SHTN1: variants seen among roughly 807,000 people sequenced by gnomAD.
The protein encoded by SHTN1 is shootin-1.
A neutral mutation model predicts 83.1 loss-of-function variants in SHTN1; 42 were observed. The ratio of observed to expected loss-of-function variants is 0.51; its 90% confidence interval spans 0.39 to 0.65. The LOEUF is 0.65. SHTN1 is among the 30% of genes least tolerant of loss of function. SHTN1 has a pLI of 0.00. For missense variants in SHTN1, 622 were observed against 737.8 expected (o/e 0.84, Z 1.82); for synonymous variants, 224 against 247.7 (o/e 0.90, Z 0.90).
chr10:117,120,295 T>C (rs960478081), intron 1 of SHTN1, among the ~76,000 whole-genome samples: 48 of 151,430 alleles, frequency 3.2e-4, no homozygotes, highest in Non-Finnish European at 6.3e-4. Context: ...TTGCCCAGGC[T>C]GGAGTGCAGG....
At chr10:117,041,071 T>C (rs1288808793) in intron 2 of SHTN1, among the ~76,000 whole-genome samples, 1 of 152,114 alleles carries the variant, frequency 6.6e-6, no homozygotes, top group Non-Finnish European at 1.5e-5. Context: ...TAACATTAGG[T>C]ATATCTCCAA....
intron 2 of SHTN1, among the ~76,000 whole-genome samples, chr10:117,015,685 C>T (rs1404625583): frequency 6.6e-6 from 1 of 152,230 alleles, no homozygotes; most frequent in Non-Finnish European, 1.5e-5. Flanking sequence ...AATGGAACCA[C>T]TTCTGCAAGA....
chr10:117,067,689 C>A (rs528088170), intron 1 of SHTN1, among the ~76,000 whole-genome samples: 5 of 152,184 alleles, frequency 3.3e-5, no homozygotes, highest in Middle Eastern at 3.4e-3. Context: ...GGAGGAAGGA[C>A]TAGAAATGGT....
chr10:116,895,069 A>C (rs902574739), intron 16 of SHTN1, among the ~76,000 whole-genome samples: 1 of 151,792 alleles, frequency 6.6e-6, no homozygotes, highest in African/African-American at 2.4e-5. Context: ...TTAAAAAGGC[A>C]TAGAATAAAG....
chr10:116,889,466 G>A (rs1847266464), intron 16 of SHTN1, among the ~76,000 whole-genome samples: 1 of 152,190 alleles, frequency 6.6e-6, no homozygotes, highest in Admixed American at 6.5e-5. Context: ...GGCATGGAGG[G>A]AGAGTGACTG....
At chr10:117,007,922 C>T (rs990912444), upstream of SHTN1, among the ~76,000 whole-genome samples, 1 of 150,916 alleles carries the variant, frequency 6.6e-6, no homozygotes, top group Non-Finnish European at 1.5e-5. Flanking sequence ...GCAGGAGAAT[C>T]ACTTGAACCC....
At chr10:116,922,775 G>T (rs1438373190) in intron 11 of SHTN1, among the ~76,000 whole-genome samples, 1 of 152,066 alleles carries the variant, frequency 6.6e-6, no homozygotes, top group African/African-American at 2.4e-5. Context: ...GACCAGCCTG[G>T]CCAACATGGC....
At chr10:117,093,012 A>T (rs1028174429) in intron 1 of SHTN1, among the ~76,000 whole-genome samples, 2 of 152,206 alleles carry the variant, frequency 1.3e-5, no homozygotes, top group African/African-American at 4.8e-5. Context: ...CAATACTTAT[A>T]GAGTCCTAAA....
chr10:116,921,756 C>T (rs1006645783), intron 11 of SHTN1, among the ~76,000 whole-genome samples: 1 of 152,014 alleles, frequency 6.6e-6, no homozygotes, highest in Non-Finnish European at 1.5e-5. Flanking sequence ...TAATAAAATG[C>T]ATACACACTT....
chr10:116,887,115 G>C (rs1189328845), intron 16 of SHTN1, among the ~76,000 whole-genome samples: 1 of 152,164 alleles, frequency 6.6e-6, no homozygotes, highest in African/African-American at 2.4e-5. Flanking sequence ...CTTCAGGAGG[G>C]GGTGGTGGTA....
intron 1 of SHTN1, among the ~76,000 whole-genome samples, chr10:117,059,497 A>G (rs1852870466): frequency 6.6e-6 from 1 of 152,226 alleles, no homozygotes; most frequent in African/African-American, 2.4e-5. Flanking sequence ...GTGAATCGCT[A>G]AGTACACTGT....
chr10:116,884,620 A>C lies in SHTN1; in HGVS notation c.*1724T>G, dbSNP rs1847110828. 1 of 175,148 alleles carries C rather than the reference A, an allele frequency of 5.7e-6. No homozygotes were observed. The highest frequency in any genetic ancestry group is 1.2e-5 in the Non-Finnish European group (1 of 80,694). 10.8% of individuals were successfully genotyped at this position (175,148 alleles called of 1,614,324 possible). On this transcript the variant is annotated 3_prime_UTR_variant, in exon 17 of 17. Coordinates refer to ENST00000355371, the MANE Select transcript of SHTN1 (RefSeq NM_001127211.3). ...GTGTGTGAGTTGCATGCTGGCAGAC[A>C]GATCACAGATGCAAGAAGGAAGACA...
In SHTN1 at chr10:116,944,979, A is replaced by T. The variant is rs748399933; in HGVS notation, c.656T>A (p.Val219Glu). Residue 219 changes from valine (V) to glutamate (E), a missense_variant, in exon 8 of 17, where the codon GTA becomes GAA. Coordinates refer to ENST00000355371, the MANE Select transcript of SHTN1 (RefSeq NM_001127211.3). ...AAGGTCCTTCTCCAGCTCCAGGTTTACTTGCATCTCCTCATACTCTTCTAC... is the reference window on the plus strand; with the variant it reads ...AAGGTCCTTCTCCAGCTCCAGGTTTTCTTGCATCTCCTCATACTCTTCTAC... ...LAVEEYEEMQ[V>E]NLELEKDLRK... The T allele has an allele frequency of 3.1e-6, 5 of 1,612,032 alleles. No homozygotes were observed. The South Asian group carries it at 5.5e-5, about 18-fold the overall frequency.
At chr10:116,915,352 A>G (rs766908034) in intron 13 of SHTN1, 23 bp downstream of exon 13, 65 of 1,230,334 alleles carry the variant, frequency 5.3e-5, no homozygotes, top group Middle Eastern at 1.9e-4. Flanking sequence ...AAACAGGGAA[A>G]AAAGCATTCA....
At chr10:117,111,112 C>A (rs1853761369) in intron 1 of SHTN1, among the ~76,000 whole-genome samples, 1 of 151,278 alleles carries the variant, frequency 6.6e-6, no homozygotes, top group African/African-American at 2.4e-5. Flanking sequence ...GCAGAAGAAT[C>A]GCTTGAACCT....
At chr10:117,041,042 C>T (rs920801892) in intron 2 of SHTN1, among the ~76,000 whole-genome samples, 2 of 152,014 alleles carry the variant, frequency 1.3e-5, no homozygotes, top group African/African-American at 4.8e-5. Context: ...TGGTGTGCTG[C>T]ACCTAGTAAC....
intron 3 of SHTN1, among the ~76,000 whole-genome samples, chr10:116,963,081 T>G (rs1850250168): frequency 4.2e-5 from 3 of 71,354 alleles, no homozygotes; most frequent in Non-Finnish European, 7.7e-5. Flanking sequence ...TTTTTTTTTT[T>G]TTTTTTTTGA....
At chr10:116,956,777 C>G (rs1008112823) in intron 4 of SHTN1, among the ~76,000 whole-genome samples, 1 of 152,090 alleles carries the variant, frequency 6.6e-6, no homozygotes, top group African/African-American at 2.4e-5. Context: ...ACCAGTTTGT[C>G]TGCAATACAA....
At chr10:117,097,742 A>G (rs767974181) in intron 1 of SHTN1, among the ~76,000 whole-genome samples, 4 of 152,190 alleles carry the variant, frequency 2.6e-5, no homozygotes, top group Non-Finnish European at 5.9e-5. Flanking sequence ...TCACTACCCA[A>G]ATAAAAAAAG....
Sources: gnomAD v4.1 joint callset for allele counts (sites outside exome capture counted in the v4.1 genomes callset) on GRCh38, gnomAD v4.1.1 for gene constraint, MANE v1.5 for transcripts, NCBI Gene and HGNC (gene_info 2026-07-23, HGNC 2026-07-21) for gene names.